Variants in FBXL6 observed in about 807,000 individuals in gnomAD.
FBXL6 encodes F-box and leucine rich repeat protein 6, also known as F-box/LRR-repeat protein 6.
In FBXL6, 50 loss-of-function variants were observed where a neutral mutation model predicts 53.3. The ratio of observed to expected loss-of-function variants is 0.94; its 90% CI spans 0.75 to 1.19. The LOEUF is 1.19. FBXL6 is among the 50% of genes most tolerant of loss of function. The pLI is 0.00. For synonymous variants in FBXL6, 405 were observed against 322.9 expected, an observed-to-expected ratio of 1.25 and a Z score of -2.73; for missense variants, 815 against 719.0, an observed-to-expected ratio of 1.13 and a Z score of -1.53.
rs1554853366 is a variant in FBXL6, at chr8:144,358,093, T to C, written c.355A>G (p.Ile119Val). 5.0e-6 allele frequency: 8 copies of C among 1,598,082 alleles called. No individual in the cohort carries two copies. The South Asian group carries it at 8.8e-5, about 18-fold the overall frequency. The change falls in exon 1 of 9, where the codon ATC becomes GTC. Residue 119 changes from isoleucine (I) to valine (V), a missense_variant. Physicochemically the swap from Ile to Val is conservative, Grantham distance 29. Coordinates refer to ENST00000331890, the MANE Select transcript of FBXL6 (RefSeq NM_012162.4). Reference sequence around the variant, plus strand: ...AACAACCCGAAAATCTGCACCAGGATTTCCAAGGGAATGCGGTCTCCCCAG... The same window carrying C: ...AACAACCCGAAAATCTGCACCAGGACTTCCAAGGGAATGCGGTCTCCCCAG... ...AGWGDRIPLE[I>V]LVQIFGLLVA...
intron 1 of FBXL6, 79 bp downstream of exon 1, chr8:144,357,953 C>T: frequency 2.0e-6 from 3 of 1,471,946 alleles, no homozygotes; most frequent in Non-Finnish European, 2.7e-6. Context: ...TTTCGCCCTC[C>T]GCCCCCGCCC....
At chr8:144,357,407 A>C in intron 3 of FBXL6, 32 bp downstream of exon 3, 1 of 1,599,820 alleles carries the variant, frequency 6.3e-7, no homozygotes, top group East Asian at 2.3e-5. Context: ...AGAGTGTCAC[A>C]GCTGATGTGC....
intron 1 of FBXL6, 97 bp from the exon 2 acceptor site, chr8:144,357,883 G>C: frequency 2.8e-6 from 4 of 1,438,116 alleles, no homozygotes; most frequent in Non-Finnish European, 3.6e-6. Flanking sequence ...GGGCTCCTGG[G>C]ACTCCAACTG....
At chr8:144,356,235 A>G (rs1554852742) in intron 7 of FBXL6, 21 bp from the exon 8 acceptor site, 5 of 1,146,210 alleles carry the variant, frequency 4.4e-6, no homozygotes, top group East Asian at 5.8e-5. Context: ...AGGAGTGAGC[A>G]TAAGCTACAA....
intron 8 of FBXL6, 127 bp downstream of exon 8, chr8:144,355,841 G>A (rs771083348): frequency 1.3e-6 from 2 of 1,539,368 alleles, no homozygotes; most frequent in Non-Finnish European, 1.8e-6. Flanking sequence ...CCACGCAGGG[G>A]CTTGGACAGT....
rs1818366246 is a variant in FBXL6 at position 144,355,641 on chromosome 8, T to G, written c.1510A>C (p.Asn504His). 1 of 1,610,706 alleles carries G rather than the reference T, an allele frequency of 6.2e-7. No individual in the cohort carries two copies. Among genetic ancestry groups the G allele is most frequent in the South Asian group, 1.1e-5 (1 of 90,998 alleles). The change falls in exon 9 of 9, where the codon AAC becomes CAC. Residue 504 changes from asparagine (N) to histidine (H), a missense_variant. Coordinates refer to ENST00000331890, the MANE Select transcript of FBXL6 (RefSeq NM_012162.4). ...GGAAGGCAGCGGCAGGACTCCAGGT[T>G]GAGGTAGAGCAGGCCCGGGCAGCCG... is the stretch of plus-strand genomic sequence containing the variant. ...ISGCPGLLYL[N>H]LESCRCLPRG... is the part of the protein sequence containing the mutation.
intron 1 of FBXL6, 80 bp from the exon 2 acceptor site, chr8:144,357,866 C>A: frequency 6.9e-7 from 1 of 1,440,068 alleles, no homozygotes; most frequent in Non-Finnish European, 9.1e-7. Flanking sequence ...CACCCCGGCT[C>A]AAAGCCGGGC....
Position 144,358,151 on chromosome 8 carries a change from G to C in FBXL6, c.297C>G (p.Pro99=), listed in dbSNP as rs782274379. Residue 99 remains proline (P), a synonymous_variant, in exon 1 of 9, where the codon CCC becomes CCG. Transcript: ENST00000331890. ...AAAAPAPAPA[P]TPTPEEGPDA... Reference sequence around the variant, plus strand: ...CGGGCCCTTCCTCGGGCGTGGGCGTGGGTGCCGGTGCGGGTGCGGGCGCGG... The same window carrying C: ...CGGGCCCTTCCTCGGGCGTGGGCGTCGGTGCCGGTGCGGGTGCGGGCGCGG... 107 of 1,541,044 alleles carry C rather than the reference G, an allele frequency of 6.9e-5. No individual in the cohort carries two copies. Among genetic ancestry groups the C allele is most frequent in the East Asian group, 4.8e-4 (18 of 37,786 alleles).
rs782750055 is a variant in FBXL6, at chr8:144,358,398, G to A, written c.50C>T (p.Pro17Leu). Residue 17 changes from proline to leucine, a missense_variant, in exon 1 of 9, where the codon CCG (proline) becomes CTG (leucine). Pro to Leu is a moderately conservative substitution (Grantham distance 98, BLOSUM62 -3). Coordinates refer to ENST00000331890, the MANE Select transcript of FBXL6 (RefSeq NM_012162.4). Reference sequence around the variant, plus strand: ...CCAGTCCTCGGCCGAGCGGGGCCGCGGCGCTGCCCGGGCTCTGCGTCGGAC... The same window carrying A: ...CCAGTCCTCGGCCGAGCGGGGCCGCAGCGCTGCCCGGGCTCTGCGTCGGAC... The part of the protein sequence containing the change: ...RQVRRRARAA[P>L]RPRSAEDWWW... The A allele has an allele frequency of 4.0e-6, 5 of 1,251,180 alleles. No homozygotes were observed. In the East Asian group the frequency reaches 9.0e-5, roughly 22 times the overall value. The allele number at this position is 1,251,180 out of a possible 1,614,324, so 77.5% of individuals were successfully genotyped here. A position where few individuals can be genotyped will look rare whatever the true frequency, so the allele number is the denominator to read the frequency against.
Position 144,355,988 on chromosome 8 carries a change from C to T in FBXL6, c.1452G>A (p.Arg484=). The T allele has an allele frequency of 1.2e-6, 2 of 1,612,888 alleles. No individual in the cohort carries two copies. The highest frequency in any genetic ancestry group is 2.2e-5 in the East Asian group (1 of 44,876). Residue 484 remains arginine (R), a synonymous_variant, in exon 8 of 9, where the codon CGG becomes CGA. Coordinates refer to ENST00000331890, the MANE Select transcript of FBXL6 (RefSeq NM_012162.4). The part of the protein sequence containing the change: ...ALCSLNLRGT[R]VTPSTVSSVI... ...CTGACCTGACAGTGCTTGGTGTGACCCGGGTGCCCCTGAGGTTAAGAGAGC... is the reference window on the plus strand; with the variant it reads ...CTGACCTGACAGTGCTTGGTGTGACTCGGGTGCCCCTGAGGTTAAGAGAGC...
chr8:144,357,843 G>C, intron 1 of FBXL6, 57 bp from the exon 2 acceptor site: 6 of 1,454,788 alleles, frequency 4.1e-6, no homozygotes, highest in Non-Finnish European at 5.4e-6. Context: ...CCCCCCTCTC[G>C]CAGCGCAGTA....
intron 3 of FBXL6, 44 bp downstream of exon 3, chr8:144,357,395 C>G: frequency 1.3e-6 from 2 of 1,584,034 alleles, no homozygotes. Context: ...CTGAACAGTC[C>G]CAGAGTGTCA....
rs781790906 is a variant in FBXL6, at chr8:144,358,411, C to T, written c.37G>A (p.Ala13Thr). 4.0e-6 allele frequency: 5 copies of T among 1,247,814 alleles called. No individual in the cohort carries two copies. Among genetic ancestry groups the T allele is most frequent in the East Asian group, 3.0e-5 (1 of 33,138 alleles). 77.3% of individuals were successfully genotyped at this position (1,247,814 alleles called of 1,614,324 possible). Residue 13 changes from alanine to threonine, a missense_variant, in exon 1 of 9, where the codon GCC becomes ACC. Ala to Thr is a moderately conservative substitution (Grantham distance 58). Transcript: ENST00000331890. ...GAGCGGGGCCGCGGCGCTGCCCGGG[C>T]TCTGCGTCGGACCTGCCGGGAGGCT... is the stretch of plus-strand genomic sequence containing the variant. ...APASRQVRRRARAAPRPRSAE... is the reference protein window; with the variant it reads ...APASRQVRRRTRAAPRPRSAE...
chr8:144,355,500 G>A lies in FBXL6; in HGVS notation c.*31C>T. On this transcript the variant is annotated 3_prime_UTR_variant, in exon 9 of 9. Transcript: ENST00000331890. ...TTGGGCAAAGGTGGAGGGTGGGCAA[G>A]CTGGCTGAGGTGTCCCAGGTCTGTG... The A allele has an allele frequency of 1.9e-6, 3 of 1,593,776 alleles. No homozygotes were observed. Among genetic ancestry groups the A allele is most frequent in the African/African-American group, 2.7e-5 (2 of 74,642 alleles).
chr8:144,357,244 A>G, intron 3 of FBXL6, 123 bp from the exon 4 acceptor site: 1 of 1,400,576 alleles, frequency 7.1e-7, no homozygotes, highest in Non-Finnish European at 9.7e-7. Context: ...CTTTCTGCCC[A>G]TGCCAGGCCT....
In FBXL6 at chr8:144,358,027, G is replaced by T; in HGVS notation, c.416+5C>A. On this transcript the variant is annotated splice_donor_5th_base_variant and intron_variant, in intron 1 of 8. Transcript: ENST00000331890. ...GCTCGGCGGCGGGCCCGGCACCAGC[G>T]TTACCTGCCCAGGAAGGGCATGGGG... is the stretch of plus-strand genomic sequence containing the variant. The T allele has an allele frequency of 6.3e-7, 1 of 1,590,216 alleles. No homozygotes were observed.
intron 4 of FBXL6, 32 bp from the exon 5 acceptor site, chr8:144,356,947 C>G (rs1818475030): frequency 1.2e-6 from 2 of 1,612,992 alleles, no homozygotes; most frequent in African/African-American, 2.7e-5. Flanking sequence ...ACCCGTCACC[C>G]CGGCCTGGGT....
chr8:144,358,101 G>C lies in FBXL6; in HGVS notation c.347C>G (p.Pro116Arg). The C allele has an allele frequency of 5.0e-6, 8 of 1,597,184 alleles. No individual in the cohort carries two copies. Among genetic ancestry groups the C allele is most frequent in the Non-Finnish European group, 6.8e-6 (8 of 1,175,010 alleles). ...GPDAGWGDRI[P>R]LEILVQIFGL... ...GAAAATCTGCACCAGGATTTCCAAG[G>C]GAATGCGGTCTCCCCAGCCCGCGTC... Residue 116 changes from proline to arginine, a missense_variant, in exon 1 of 9, where the codon CCC becomes CGC. Pro to Arg is a moderately radical substitution (Grantham distance 103). Coordinates refer to ENST00000331890, the MANE Select transcript of FBXL6 (RefSeq NM_012162.4).
intron 1 of FBXL6, 61 bp from the exon 2 acceptor site, chr8:144,357,847 C>A (rs1818536980): frequency 2.8e-6 from 4 of 1,450,848 alleles, no homozygotes; most frequent in Non-Finnish European, 3.6e-6. Flanking sequence ...CCTCTCGCAG[C>A]GCAGTAGACA....
Sources: allele counts gnomAD v4.1 joint callset, GRCh38; gene constraint gnomAD v4.1.1; transcripts MANE v1.5; gene names NCBI Gene and HGNC (gene_info 2026-07-23, HGNC 2026-07-21).